CCDC50: variants seen among roughly 807,000 people sequenced by gnomAD.
The protein encoded by CCDC50 is coiled-coil domain containing 50, also known as coiled-coil domain-containing protein 50.
A neutral mutation model predicts 70.2 loss-of-function variants in CCDC50; 54 were observed. That is an observed-to-expected ratio of 0.77 (90% CI 0.62 to 0.96). The LOEUF (loss-of-function observed/expected upper bound fraction) is 0.96. Among genes scored for constraint, CCDC50 ranks in the 50% least tolerant of loss-of-function variants. The pLI is 0.00. For missense variants in CCDC50, 558 were observed against 578.7 expected (o/e 0.96, Z 0.37); for synonymous variants, 216 against 198.8 (o/e 1.09, Z -0.73).
intron 6 of CCDC50, among the ~76,000 whole-genome samples, chr3:191,377,376 G>A (rs900088818): frequency 6.6e-6 from 1 of 152,154 alleles, no homozygotes; most frequent in Non-Finnish European, 1.5e-5. Flanking sequence ...GGTTCTAAGA[G>A]CATTTGCAGA....
At chr3:191,370,321 G>A (rs748014601) in intron 5 of CCDC50, 11 of 353,732 alleles carry the variant, frequency 3.1e-5, no homozygotes, top group South Asian at 1.5e-4. Flanking sequence ...CCATTAACTC[G>A]TCATTTAACA....
At chr3:191,353,637 T>G (rs1712176601) in intron 1 of CCDC50, among the ~76,000 whole-genome samples, 1 of 142,110 alleles carries the variant, frequency 7.0e-6, no homozygotes, top group South Asian at 2.2e-4. Flanking sequence ...ATGTGATTGT[T>G]TTCCAGGTTG....
At chr3:191,378,814 C>A (rs176821) in intron 6 of CCDC50, among the ~76,000 whole-genome samples, 87,130 of 151,076 alleles carry the variant, frequency 0.58, 26,794 homozygotes, top group African/African-American at 0.81. Context: ...CATAAGACTC[C>A]GTGGCTCTAG....
chr3:191,329,440 G>A lies in CCDC50; in HGVS notation c.-235G>A. 2.2e-6 allele frequency: 1 copy of A among 459,308 alleles called. No individual in the cohort carries two copies. Among genetic ancestry groups the A allele is most frequent in the Non-Finnish European group, 3.8e-6 (1 of 261,962 alleles). 28.5% of individuals were successfully genotyped at this position (459,308 alleles called of 1,614,324 possible). A position where few individuals can be genotyped will look rare whatever the true frequency, so the allele number is the denominator to read the frequency against. The stretch of plus-strand genomic sequence containing the variant: ...GGTATCGATTGGGGCCGGGGACGCG[G>A]AGCAGGTGGCCGCGGCGGGGCAGCT... On this transcript the variant is annotated 5_prime_UTR_variant, in exon 1 of 12. Coordinates refer to ENST00000392455, the MANE Select transcript of CCDC50 (RefSeq NM_178335.3).
At position 191,391,741 on chromosome 3, in the gene CCDC50, G is replaced by T; in HGVS notation, c.1430G>T (p.Gly477Val). The T allele has an allele frequency of 6.2e-7, 1 of 1,612,858 alleles. No individual in the cohort carries two copies. The change falls in exon 12 of 12, where the codon GGT becomes GTT. Residue 477 changes from glycine (G) to valine (V), a missense_variant and splice_region_variant. Gly to Val is a moderately radical substitution (Grantham distance 109, BLOSUM62 -3). Coordinates refer to ENST00000392455, the MANE Select transcript of CCDC50 (RefSeq NM_178335.3). ...HFSKSESSHK[G>V]FHYKH ...TTTCCTTTTTTCTTCCCCTCCCCAG[G>T]TTTTCATTACAAACATTAAAAACCT...
Position 191,357,190 on chromosome 3 carries a change from T to C in CCDC50, c.112+40T>C, listed in dbSNP as rs570079374. 9.7e-6 allele frequency: 15 copies of C among 1,541,634 alleles called. No homozygotes were observed. In the East Asian group the frequency reaches 2.3e-4, roughly 23 times the overall value. On this transcript the variant is annotated intron_variant, in intron 2 of 11. Transcript: ENST00000392455. ...TCATTTATGCTCCTTCAGTTTTCTT[T>C]TTTTAGTGGTAGCTTGAGGCTGGTT... is the stretch of plus-strand genomic sequence containing the variant.
chr3:191,359,730 T>A (rs1712417045), intron 3 of CCDC50, among the ~76,000 whole-genome samples: 2 of 152,292 alleles, frequency 1.3e-5, no homozygotes, highest in South Asian at 4.1e-4. Context: ...TGAGGCTCAG[T>A]GTCACAGGTT....
At chr3:191,388,286 C>G (rs987435186) in intron 10 of CCDC50, among the ~76,000 whole-genome samples, 6 of 152,112 alleles carry the variant, frequency 3.9e-5, no homozygotes, top group African/African-American at 1.2e-4. Flanking sequence ...GATGATGCTG[C>G]TCCTGATAAA....
At chr3:191,377,737 T>C (rs1488563935) in intron 6 of CCDC50, among the ~76,000 whole-genome samples, 3 of 152,212 alleles carry the variant, frequency 2.0e-5, no homozygotes, top group Non-Finnish European at 4.4e-5. Context: ...TCAACAATTT[T>C]ATTCTGTAAA....
intron 3 of CCDC50, 83 bp downstream of exon 3, chr3:191,358,207 T>A: frequency 6.6e-7 from 1 of 1,517,568 alleles, no homozygotes; most frequent in East Asian, 2.3e-5. Flanking sequence ...AGAAGGAGAC[T>A]ACTTCTGTTC....
chr3:191,350,889 G>A (rs1712086510), intron 1 of CCDC50, among the ~76,000 whole-genome samples: 1 of 141,976 alleles, frequency 7.0e-6, no homozygotes, highest in African/African-American at 2.5e-5. Flanking sequence ...GGCATTGCCA[G>A]TATAAATACA....
intron 1 of CCDC50, among the ~76,000 whole-genome samples, chr3:191,343,536 C>T (rs1711806480): frequency 6.6e-6 from 1 of 152,188 alleles, no homozygotes; most frequent in Non-Finnish European, 1.5e-5. Context: ...AATTTAAAAA[C>T]AGCAGAAGTG....
chr3:191,349,126 G>A lies in CCDC50; in HGVS notation c.50-7962G>A, dbSNP rs755976260. ...GGTTGGTTTTGCTAATGATATTGGCGGTAGTGATATTGATGTCATTTTGTT... is the reference window on the plus strand; with the variant it reads ...GGTTGGTTTTGCTAATGATATTGGCAGTAGTGATATTGATGTCATTTTGTT... On this transcript the variant is annotated intron_variant, in intron 1 of 11. Transcript: ENST00000392455. 9.2e-5 allele frequency among the ~76,000 whole-genome samples: 13 copies of A among 141,164 alleles called. 2 individuals are homozygous for A. The highest frequency in any genetic ancestry group is 1.8e-4 in the Non-Finnish European group (11 of 62,716). The allele number at this position is 141,164 out of a possible 152,430, so 92.6% of individuals were successfully genotyped here. A position where few individuals can be genotyped will look rare whatever the true frequency, so the allele number is the denominator to read the frequency against.
chr3:191,335,942 C>A (rs1175021573), intron 1 of CCDC50, among the ~76,000 whole-genome samples: 1 of 150,984 alleles, frequency 6.6e-6, no homozygotes, highest in Non-Finnish European at 1.5e-5. Context: ...CATGCCCCCA[C>A]CAGCCACTGA....
At chr3:191,348,018 A>G (rs1711982594) in intron 1 of CCDC50, among the ~76,000 whole-genome samples, 1 of 142,662 alleles carries the variant, frequency 7.0e-6, no homozygotes, top group African/African-American at 2.5e-5. Context: ...GATCTAGAAT[A>G]TATGCTGGGG....
intron 10 of CCDC50, among the ~76,000 whole-genome samples, chr3:191,385,880 T>G (rs538409218): frequency 6.6e-6 from 1 of 152,224 alleles, no homozygotes; most frequent in Admixed American, 6.5e-5. Context: ...TTGAATAAGG[T>G]GTCCTTTCCC....
At chr3:191,377,551 T>G (rs944149113) in intron 6 of CCDC50, among the ~76,000 whole-genome samples, 3 of 152,120 alleles carry the variant, frequency 2.0e-5, no homozygotes, top group African/African-American at 7.2e-5. Context: ...ACTTCTAAAC[T>G]CACAGGGCCA....
chr3:191,346,741 G>GA (rs1711939827), intron 1 of CCDC50, among the ~76,000 whole-genome samples: 1 of 152,136 alleles, frequency 6.6e-6, no homozygotes, highest in South Asian at 2.1e-4. Flanking sequence ...CTGGTTATTG[G>GA]AAAAATGGGC....
At chr3:191,378,735 TTTTG>T (rs1040958095) in intron 6 of CCDC50, among the ~76,000 whole-genome samples, 3 of 151,554 alleles carry the variant, frequency 2.0e-5, no homozygotes, top group Non-Finnish European at 4.4e-5. Context: ...GCCACTGTTT[TTTTG>T]TTTGTTTGTT....
Sources: allele counts gnomAD v4.1 joint callset (sites outside exome capture counted in the v4.1 genomes callset), GRCh38; gene constraint gnomAD v4.1.1; transcripts MANE v1.5; gene names NCBI Gene and HGNC (gene_info 2026-07-23, HGNC 2026-07-21).